The following SLC4A4 variants were observed in gnomAD, a reference collection of about 807,000 sequenced individuals.
SLC4A4 encodes solute carrier family 4 member 4.
A neutral mutation model predicts 111.5 loss-of-function variants in SLC4A4; 27 were observed. The observed-to-expected ratio is 0.24, with a 90% CI of 0.18 to 0.33. SLC4A4 has a LOEUF of 0.33. SLC4A4 is among the 10% of genes least tolerant of loss of function. The probability of loss-of-function intolerance (pLI) is 1.00; values close to 1 mark genes in which losing one functional copy is unlikely to be tolerated. For synonymous variants in SLC4A4, 443 were observed against 463.4 expected (o/e 0.96, Z 0.57); for missense variants, 909 against 1,315.5 (o/e 0.69, Z 4.78).
chr4:71,209,999 G>A (rs900341296), intron 1 of SLC4A4, among the ~76,000 whole-genome samples: 1 of 152,184 alleles, frequency 6.6e-6, no homozygotes, highest in Non-Finnish European at 1.5e-5. Context: ...AGAACGCTGT[G>A]ACCATGTTTA....
intron 3 of SLC4A4, among the ~76,000 whole-genome samples, chr4:71,266,762 G>A (rs1722294960): frequency 1.3e-5 from 2 of 152,154 alleles, no homozygotes; most frequent in Non-Finnish European, 2.9e-5. Flanking sequence ...ACAGGATGAG[G>A]AAAGAGATAC....
chr4:71,378,416 A>G (rs2148946055), intron 6 of SLC4A4, among the ~76,000 whole-genome samples: 1 of 152,300 alleles, frequency 6.6e-6, no homozygotes, highest in African/African-American at 2.4e-5. Context: ...TCACATAATG[A>G]GGGAGGGTTG....
intron 4 of SLC4A4, among the ~76,000 whole-genome samples, chr4:71,344,279 T>C (rs1190297037): frequency 2.0e-5 from 3 of 152,156 alleles, no homozygotes; most frequent in African/African-American, 7.2e-5. Flanking sequence ...TCCACCTACA[T>C]TCTTTGGAGA....
chr4:71,067,503 G>A (rs1486622238), intron 1 of SLC4A4, among the ~76,000 whole-genome samples: 1 of 152,114 alleles, frequency 6.6e-6, no homozygotes, highest in Non-Finnish European at 1.5e-5. Flanking sequence ...TGAAGCCATA[G>A]TTCATTATTT....
At chr4:71,479,141 T>A (rs911326989) in intron 14 of SLC4A4, among the ~76,000 whole-genome samples, 2 of 151,808 alleles carry the variant, frequency 1.3e-5, no homozygotes, top group East Asian at 3.9e-4. Flanking sequence ...ATTGATTTAT[T>A]GTTGACTGTT....
At chr4:71,229,866 T>G (rs766313103) in intron 1 of SLC4A4, among the ~76,000 whole-genome samples, 21 of 151,762 alleles carry the variant, frequency 1.4e-4, no homozygotes, top group Non-Finnish European at 3.1e-4. Flanking sequence ...AAGGAATGGT[T>G]GCAGCTTTTT....
chr4:71,289,772 C>T (rs1724191834), intron 3 of SLC4A4, among the ~76,000 whole-genome samples: 1 of 152,180 alleles, frequency 6.6e-6, no homozygotes. Flanking sequence ...TCACATTTGA[C>T]ATGTTAGTGA....
chr4:71,221,658 A>G (rs898720771), intron 1 of SLC4A4, among the ~76,000 whole-genome samples: 1 of 152,184 alleles, frequency 6.6e-6, no homozygotes, highest in Non-Finnish European at 1.5e-5. Context: ...CCTGGGGCAG[A>G]TTTAGGTAGG....
At chr4:71,143,565 A>G (rs1407702018) in intron 2 of SLC4A4, among the ~76,000 whole-genome samples, 2 of 152,186 alleles carry the variant, frequency 1.3e-5, no homozygotes, top group African/African-American at 2.4e-5. Flanking sequence ...AGTCCCATCA[A>G]CAGTGTAAAA....
At chr4:71,336,280 A>G (rs544142665) in intron 3 of SLC4A4, among the ~76,000 whole-genome samples, 2 of 152,348 alleles carry the variant, frequency 1.3e-5, no homozygotes, top group Non-Finnish European at 2.9e-5. Context: ...ACCGTAGTGC[A>G]TGACTGTAAA....
intron 9 of SLC4A4, among the ~76,000 whole-genome samples, chr4:71,448,386 A>G (rs138260025): frequency 9.2e-5 from 14 of 152,082 alleles, no homozygotes; most frequent in African/African-American, 3.1e-4. Flanking sequence ...TGAAGTTTTA[A>G]TACACTAATT....
chr4:71,455,775 G>T (rs1363633290), intron 12 of SLC4A4, among the ~76,000 whole-genome samples: 3 of 152,064 alleles, frequency 2.0e-5, no homozygotes, highest in Non-Finnish European at 4.4e-5. Context: ...GTAATTCTTT[G>T]CAACCTCATA....
In SLC4A4 at chr4:71,400,033, C is replaced by T. The variant is rs528748520; in HGVS notation, c.807+2380C>T. ...TCGCACATTTTGTCTCCACTCATTGCTTACCAAGCCATGCTGATTATTTGC... is the reference window on the plus strand; with the variant it reads ...TCGCACATTTTGTCTCCACTCATTGTTTACCAAGCCATGCTGATTATTTGC... On this transcript the variant is annotated intron_variant, in intron 7 of 25. Coordinates refer to ENST00000264485, the MANE Select transcript of SLC4A4 (RefSeq NM_001098484.3). 4.6e-5 allele frequency among the ~76,000 whole-genome samples: 7 copies of T among 152,304 alleles called. No homozygotes were observed. The South Asian group carries it at 1.4e-3, about 32-fold the overall frequency.
At chr4:71,157,348 A>G (rs1744505795) in intron 2 of SLC4A4, among the ~76,000 whole-genome samples, 2 of 152,230 alleles carry the variant, frequency 1.3e-5, no homozygotes, top group African/African-American at 4.8e-5. Flanking sequence ...AAAGTAATAC[A>G]TATTAATACA....
intron 3 of SLC4A4, among the ~76,000 whole-genome samples, chr4:71,332,500 T>A (rs1167544951): frequency 6.6e-6 from 1 of 150,752 alleles, no homozygotes; most frequent in Non-Finnish European, 1.5e-5. Context: ...GCGGGAGTGC[T>A]GTGGCGCGAT....
intron 12 of SLC4A4, among the ~76,000 whole-genome samples, chr4:71,463,031 C>T (rs1395686390): frequency 5.3e-5 from 8 of 152,154 alleles, no homozygotes; most frequent in South Asian, 2.1e-4. Context: ...TTTGGCAGAA[C>T]GGAGCCCAGA....
intron 1 of SLC4A4, among the ~76,000 whole-genome samples, chr4:71,234,544 GC>G (rs1400647555): frequency 6.6e-6 from 1 of 152,164 alleles, no homozygotes; most frequent in Non-Finnish European, 1.5e-5. Context: ...TCCTGCCTCA[GC>G]CTCCCGAGGA....
At chr4:71,152,563 G>A (rs1374263935) in intron 2 of SLC4A4, among the ~76,000 whole-genome samples, 1 of 152,024 alleles carries the variant, frequency 6.6e-6, no homozygotes, top group Non-Finnish European at 1.5e-5. Context: ...TTATTTACTG[G>A]TTTTACTCTT....
rs1046245571 is a variant in SLC4A4, at chr4:71,559,966, G to C, written c.2938-127G>C. 19 of 743,060 alleles carry C rather than the reference G, an allele frequency of 2.6e-5. No homozygotes were observed. In the Admixed American group the frequency reaches 3.6e-4, roughly 14 times the overall value. 46.0% of individuals were successfully genotyped at this position (743,060 alleles called of 1,614,324 possible). ...GTATAAGTCCATACCGTCAAGATCA[G>C]GTCTGTCATACTCTATCTAGCCTTA... On this transcript the variant is annotated intron_variant, in intron 22 of 25. Coordinates refer to ENST00000264485, the MANE Select transcript of SLC4A4 (RefSeq NM_001098484.3).
Sources: gnomAD v4.1 joint callset for allele counts (sites outside exome capture counted in the v4.1 genomes callset) on GRCh38, gnomAD v4.1.1 for gene constraint, MANE v1.5 for transcripts, NCBI Gene and HGNC (gene_info 2026-07-23, HGNC 2026-07-21) for gene names.